TPD52: variants seen among roughly 807,000 people sequenced by gnomAD.
The protein encoded by TPD52 is tumor protein D52, also known as prostate and colon associated protein.
Under a neutral mutation model 31.3 loss-of-function variants are expected in TPD52, and 17 were observed. That is an observed-to-expected ratio of 0.54 (90% CI 0.37 to 0.82). TPD52 has a LOEUF of 0.82. TPD52 is among the 40% of genes least tolerant of loss of function. TPD52 has a pLI of 0.00. For synonymous variants in TPD52, 83 were observed against 89.6 expected, an observed-to-expected ratio of 0.93 and a Z score of 0.42; for missense variants, 212 against 240.1, an observed-to-expected ratio of 0.88 and a Z score of 0.77.
At chr8:80,154,706 TACACACACAC>T (rs36076685) in intron 1 of TPD52, among the ~76,000 whole-genome samples, 206 of 77,700 alleles carry the variant, frequency 2.7e-3, no homozygotes, top group East Asian at 7.8e-3. Flanking sequence ...AATCATGACA[TACACACACAC>T]ACACACACAC....
intron 1 of TPD52, among the ~76,000 whole-genome samples, chr8:80,167,675 A>T (rs2131284686): frequency 6.6e-6 from 1 of 152,252 alleles, no homozygotes; most frequent in East Asian, 1.9e-4. Flanking sequence ...GATACCCCAC[A>T]TTTCTGTTAT....
intron 1 of TPD52, among the ~76,000 whole-genome samples, chr8:80,169,674 TG>T (rs1237159647): frequency 6.6e-6 from 1 of 152,214 alleles, no homozygotes; most frequent in East Asian, 1.9e-4. Flanking sequence ...AACGACAGTG[TG>T]TAACAGATTA....
chr8:80,077,714 T>G (rs1814753900), intron 1 of TPD52, among the ~76,000 whole-genome samples: 1 of 152,220 alleles, frequency 6.6e-6, no homozygotes, highest in African/African-American at 2.4e-5. Flanking sequence ...TAAAATGAAC[T>G]GGAGTGTGAA....
Position 80,149,705 on chromosome 8 carries a change from G to C in TPD52, c.19+21720C>G, listed in dbSNP as rs138877533. Among the ~76,000 whole-genome samples the C allele has an allele frequency of 3.0e-3, 452 of 152,304 alleles. 2 individuals are homozygous for C. The highest frequency in any genetic ancestry group is 4.7e-3 in the Non-Finnish European group (321 of 68,026). ...ATGGAGGTGAGGAACTTGGGAACTG[G>C]AGCAAAGGTGACTCTTGCTGTGCTT... On this transcript the variant is annotated intron_variant, in intron 1 of 7. Transcript: ENST00000518937.
intron 1 of TPD52, among the ~76,000 whole-genome samples, chr8:80,110,287 C>G (rs1807412361): frequency 6.6e-6 from 1 of 152,164 alleles, no homozygotes; most frequent in African/African-American, 2.4e-5. Context: ...ACTATATTCT[C>G]TCAAGGGTCT....
Position 80,042,856 on chromosome 8 carries a change from A to G in TPD52, c.456-188T>C, listed in dbSNP as rs537182214. 6 of 495,044 alleles carry G rather than the reference A, an allele frequency of 1.2e-5. No individual in the cohort carries two copies. The South Asian group carries it at 1.5e-4, about 13-fold the overall frequency. The allele number at this position is 495,044 out of a possible 1,614,324, so 30.7% of individuals were successfully genotyped here. A position where few individuals can be genotyped will look rare whatever the true frequency, so the allele number is the denominator to read the frequency against. On this transcript the variant is annotated intron_variant, in intron 6 of 7. Coordinates refer to ENST00000518937, the MANE Select transcript of TPD52 (RefSeq NM_001025253.3). ...TAAGATTCTCAATTTCTGATCTAATATTTTAAGAGTATGCATTTGATTCCA... is the reference window on the plus strand; with the variant it reads ...TAAGATTCTCAATTTCTGATCTAATGTTTTAAGAGTATGCATTTGATTCCA...
chr8:80,044,339 T>C lies in TPD52; in HGVS notation c.414-131A>G, dbSNP rs556696274. The stretch of plus-strand genomic sequence containing the variant: ...GCGCCATGAAGAATTACCTACTTTT[T>C]GAGGTGGAGGGGATCAAAGTTATTC... On this transcript the variant is annotated intron_variant, in intron 5 of 7. Coordinates refer to ENST00000518937, the MANE Select transcript of TPD52 (RefSeq NM_001025253.3). 41 of 692,934 alleles carry C rather than the reference T, an allele frequency of 5.9e-5. No homozygotes were observed. In the East Asian group the frequency reaches 1.3e-3, roughly 22 times the overall value. The allele number at this position is 692,934 out of a possible 1,614,324, so 42.9% of individuals were successfully genotyped here. A position where few individuals can be genotyped will look rare whatever the true frequency, so the allele number is the denominator to read the frequency against.
At chr8:80,152,649 T>C (rs6992161) in intron 1 of TPD52, among the ~76,000 whole-genome samples, 97,728 of 151,740 alleles carry the variant, frequency 0.64, 33,000 homozygotes, top group African/African-American at 0.86. Flanking sequence ...GGCATGGTGG[T>C]GCAAGCCTAT....
At chr8:80,094,443 T>TATATAC (rs1563621421) in intron 1 of TPD52, among the ~76,000 whole-genome samples, 24 of 40,348 alleles carry the variant, frequency 5.9e-4, no homozygotes, top group East Asian at 3.1e-3. Context: ...TATATATATA[T>TATATAC]ATATATATAT....
intron 1 of TPD52, among the ~76,000 whole-genome samples, chr8:80,088,188 C>T (rs1265526481): frequency 1.3e-5 from 2 of 152,106 alleles, no homozygotes; most frequent in African/African-American, 4.8e-5. Flanking sequence ...TAAGCCAGTC[C>T]CTCACATCTA....
At chr8:80,094,871 G>GA (rs1041146536) in intron 1 of TPD52, among the ~76,000 whole-genome samples, 1 of 152,052 alleles carries the variant, frequency 6.6e-6, no homozygotes, top group African/African-American at 2.4e-5. Context: ...TTTGTGTCCA[G>GA]ACTTGTTCAG....
chr8:80,151,108 G>A (rs577792458), intron 1 of TPD52, among the ~76,000 whole-genome samples: 2 of 152,198 alleles, frequency 1.3e-5, no homozygotes, highest in African/African-American at 4.8e-5. Context: ...TTCTTGTGAT[G>A]GTGAATAAGT....
At position 80,064,541 on chromosome 8, in the gene TPD52, C is replaced by A; in HGVS notation, c.72G>T (p.Thr24=). The stretch of plus-strand genomic sequence containing the variant: ...CCGAGAGGGTCTCTGTGGCACTGAT[C>A]GTGGCAGCAACATCTTCTCCTTCCT... ...VPEEGEDVAA[T]ISATETLSEE... is the part of the protein sequence containing the mutation. Residue 24 remains threonine (T), a synonymous_variant, in exon 2 of 8, where the codon ACG becomes ACT. Coordinates refer to ENST00000518937, the MANE Select transcript of TPD52 (RefSeq NM_001025253.3). 1 of 1,614,158 alleles carries A rather than the reference C, an allele frequency of 6.2e-7. No homozygotes were observed. Among genetic ancestry groups the A allele is most frequent in the Admixed American group, 1.7e-5 (1 of 60,020 alleles).
intron 2 of TPD52, among the ~76,000 whole-genome samples, chr8:80,057,374 C>T (rs1278546888): frequency 2.0e-5 from 3 of 152,148 alleles, no homozygotes; most frequent in East Asian, 1.9e-4. Context: ...ACCAAAAAAA[C>T]ACCTGCACTC....
intron 1 of TPD52, among the ~76,000 whole-genome samples, chr8:80,092,090 C>A (rs1724254374): frequency 6.6e-6 from 1 of 152,190 alleles, no homozygotes; most frequent in African/African-American, 2.4e-5. Flanking sequence ...CTATCACATG[C>A]TTACACTGTG....
At chr8:80,097,830 A>G (rs1416728031) in intron 1 of TPD52, among the ~76,000 whole-genome samples, 1 of 152,252 alleles carries the variant, frequency 6.6e-6, no homozygotes, top group Non-Finnish European at 1.5e-5. Context: ...AATGCCCTCT[A>G]GAACTTGCAA....
At chr8:80,165,794 T>C (rs992948344) in intron 1 of TPD52, among the ~76,000 whole-genome samples, 8 of 152,212 alleles carry the variant, frequency 5.3e-5, no homozygotes, top group Non-Finnish European at 1.2e-4. Context: ...AGGTATGTAA[T>C]ACATAAAAAG....
chr8:80,102,334 T>C (rs937632003), intron 1 of TPD52, among the ~76,000 whole-genome samples: 16 of 152,228 alleles, frequency 1.1e-4, no homozygotes, highest in African/African-American at 3.6e-4. Flanking sequence ...GACCTCTTTA[T>C]GGACCTGATC....
intron 1 of TPD52, among the ~76,000 whole-genome samples, chr8:80,163,038 T>C (rs2131263958): frequency 6.6e-6 from 1 of 152,254 alleles, no homozygotes; most frequent in East Asian, 1.9e-4. Context: ...AAATGTAAAT[T>C]GGTAAAGCTA....
Sources: allele counts gnomAD v4.1 joint callset (sites outside exome capture counted in the v4.1 genomes callset), GRCh38; gene constraint gnomAD v4.1.1; transcripts MANE v1.5; gene names NCBI Gene and HGNC (gene_info 2026-07-23, HGNC 2026-07-21).